Variants in PRRC1 observed in about 807,000 individuals in gnomAD.
PRRC1 encodes protein PRRC1.
A neutral mutation model predicts 40.7 loss-of-function variants in PRRC1; 39 were observed. The observed-to-expected ratio is 0.96, with a 90% CI of 0.74 to 1.25. The LOEUF is 1.25. Ranked by LOEUF, PRRC1 falls within the 50% of genes most tolerant of loss-of-function variation. The pLI is 0.00. For missense variants in PRRC1, 573 were observed against 548.3 expected (o/e 1.05, Z -0.45); for synonymous variants, 175 against 193.3 (o/e 0.91, Z 0.79).
At chr5:127,518,726 A>T (rs1405369305) in intron 1 of PRRC1, among the ~76,000 whole-genome samples, 2 of 148,450 alleles carry the variant, frequency 1.3e-5, no homozygotes, top group African/African-American at 5.0e-5. Context: ...GTAAATAGAC[A>T]TCCACTTTTT....
intron 7 of PRRC1, among the ~76,000 whole-genome samples, chr5:127,541,166 G>A: frequency 6.6e-6 from 1 of 152,144 alleles, no homozygotes; most frequent in Admixed American, 6.5e-5. Flanking sequence ...TTTATATGCT[G>A]GATTACATTT....
At chr5:127,551,654 C>G in intron 8 of PRRC1, 53 bp from the exon 9 acceptor site, 1 of 1,535,082 alleles carries the variant, frequency 6.5e-7, no homozygotes, top group Non-Finnish European at 9.0e-7. Context: ...ATAGCTAGTT[C>G]CAATGATATT....
rs560233995 is a variant in PRRC1 at position 127,552,996 on chromosome 5, A to G, written c.*1080A>G. On this transcript the variant is annotated 3_prime_UTR_variant, in exon 9 of 9. Coordinates refer to ENST00000296666, the MANE Select transcript of PRRC1 (RefSeq NM_130809.5). ...TGGAAGCCTTTTCCCCTCAAATAAT[A>G]TATTATATCATTTTTGGACTTATAT... 3.0e-4 allele frequency: 234 copies of G among 774,600 alleles called. No individual in the cohort carries two copies. In the African/African-American group the frequency reaches 3.8e-3, roughly 13 times the overall value. 48.0% of individuals were successfully genotyped at this position (774,600 alleles called of 1,614,324 possible). A position where few individuals can be genotyped will look rare whatever the true frequency, so the allele number is the denominator to read the frequency against.
At chr5:127,535,973 C>T (rs559061661) in intron 6 of PRRC1, among the ~76,000 whole-genome samples, 1 of 152,220 alleles carries the variant, frequency 6.6e-6, no homozygotes, top group East Asian at 1.9e-4. Flanking sequence ...TATGCATACT[C>T]ACATACCACA....
chr5:127,518,609 C>T (rs1767379031), intron 1 of PRRC1, among the ~76,000 whole-genome samples: 2 of 151,376 alleles, frequency 1.3e-5, no homozygotes, highest in African/African-American at 4.8e-5. Flanking sequence ...AACTAGCGCT[C>T]ACTGTTTGGT....
intron 1 of PRRC1, 88 bp from the exon 2 acceptor site, chr5:127,523,372 A>AT (rs554141899): frequency 0.019 from 10,109 of 523,992 alleles, 45 homozygotes; most frequent in East Asian, 0.03. Flanking sequence ...TCTCTTGATG[A>AT]TTTTTTTTTT....
At chr5:127,525,970 CA>C in intron 3 of PRRC1, among the ~76,000 whole-genome samples, 1 of 152,124 alleles carries the variant, frequency 6.6e-6, no homozygotes, top group Non-Finnish European at 1.5e-5. Flanking sequence ...TCATGTATGC[CA>C]AAAGTTTGTG....
intron 7 of PRRC1, among the ~76,000 whole-genome samples, chr5:127,544,186 C>T (rs550968521): frequency 7.9e-5 from 12 of 152,266 alleles, no homozygotes; most frequent in South Asian, 4.2e-4. Context: ...TGCAGAACCG[C>T]GGATTTTCGT....
rs1768391904 is a variant in PRRC1 at position 127,551,790 on chromosome 5, A to G, written c.1212A>G (p.Leu404=). Reference sequence around the variant, plus strand: ...TGGGTGAAGTCCTGGAAAAGAGTTTACTGAATGTCAGCCGGACTGATTGGC... The same window carrying G: ...TGGGTGAAGTCCTGGAAAAGAGTTTGCTGAATGTCAGCCGGACTGATTGGC... The part of the protein sequence containing the change: ...VTVGEVLEKS[L]LNVSRTDWHM... Residue 404 remains leucine (L), a synonymous_variant, in exon 9 of 9, where the codon TTA becomes TTG. Coordinates refer to ENST00000296666, the MANE Select transcript of PRRC1 (RefSeq NM_130809.5). 1.2e-6 allele frequency: 2 copies of G among 1,614,132 alleles called. No homozygotes were observed. The highest frequency in any genetic ancestry group is 8.5e-7 in the Non-Finnish European group (1 of 1,179,998).
intron 1 of PRRC1, among the ~76,000 whole-genome samples, chr5:127,522,543 AC>A (rs1767487911): frequency 6.6e-6 from 1 of 151,846 alleles, no homozygotes; most frequent in South Asian, 2.1e-4. Flanking sequence ...GGCACATGTC[AC>A]CCTGCCTGGC....
At position 127,526,600 on chromosome 5, in the gene PRRC1, A is replaced by T; in HGVS notation, c.494-18A>T. ...TATGGAATAAATTATACATATGAAA[A>T]TTTTTGCCATTGATTAGGTCTTTTG... On this transcript the variant is annotated intron_variant, in intron 3 of 8. Transcript: ENST00000296666. 1 of 1,587,838 alleles carries T rather than the reference A, an allele frequency of 6.3e-7. No individual in the cohort carries two copies. The highest frequency in any genetic ancestry group is 8.6e-7 in the Non-Finnish European group (1 of 1,168,836).
chr5:127,527,301 T>C (rs1442974176), intron 4 of PRRC1, among the ~76,000 whole-genome samples: 3 of 152,238 alleles, frequency 2.0e-5, no homozygotes, highest in Non-Finnish European at 4.4e-5. Context: ...GATTAACATA[T>C]GCAATACCTC....
At chr5:127,548,282 T>C (rs747392958) in intron 8 of PRRC1, 4 of 435,166 alleles carry the variant, frequency 9.2e-6, no homozygotes, top group Non-Finnish European at 1.6e-5. Flanking sequence ...TCCACTGTTA[T>C]CTCCATTTCC....
At chr5:127,521,982 C>A (rs1213373041) in intron 1 of PRRC1, among the ~76,000 whole-genome samples, 1 of 152,194 alleles carries the variant, frequency 6.6e-6, no homozygotes, top group Non-Finnish European at 1.5e-5. Context: ...CATAATTCAG[C>A]TACCATTCAT....
At chr5:127,547,998 G>A (rs555700187) in intron 8 of PRRC1, 77 bp downstream of exon 8, 1 of 966,810 alleles carries the variant, frequency 1.0e-6, no homozygotes, top group South Asian at 1.3e-5. Flanking sequence ...AATTTGTTCG[G>A]TTTTTTTGTT....
At chr5:127,518,705 C>A (rs562547061) in intron 1 of PRRC1, among the ~76,000 whole-genome samples, 1 of 150,148 alleles carries the variant, frequency 6.7e-6, no homozygotes, top group African/African-American at 2.4e-5. Flanking sequence ...TCTTCCATTT[C>A]TTGTAAACTT....
chr5:127,541,039 T>TA (rs1489794051), intron 7 of PRRC1, among the ~76,000 whole-genome samples: 2 of 152,230 alleles, frequency 1.3e-5, no homozygotes, highest in East Asian at 1.9e-4. Flanking sequence ...TATTTTGAGA[T>TA]ACGTCCCATC....
rs1768488760 is a variant in PRRC1 at position 127,554,993 on chromosome 5, AT to A, written c.*3081del. On this transcript the variant is annotated 3_prime_UTR_variant, in exon 9 of 9. Coordinates refer to ENST00000296666, the MANE Select transcript of PRRC1 (RefSeq NM_130809.5). ...TTTTTATTCCCAGGATATGGTGTTC[AT>A]TTTATGATATTACGCAGGATGATGT... 1 of 152,612 alleles carries A rather than the reference AT, an allele frequency of 6.6e-6. No homozygotes were observed. Among genetic ancestry groups the A allele is most frequent in the African/African-American group, 2.4e-5 (1 of 41,448 alleles). 9.5% of individuals were successfully genotyped at this position (152,612 alleles called of 1,614,324 possible).
rs1389761045 is a variant in PRRC1 at position 127,530,398 on chromosome 5, T to G, written c.757+2T>G. On this transcript the variant is annotated splice_donor_variant, in intron 5 of 8. Coordinates refer to ENST00000296666, the MANE Select transcript of PRRC1 (RefSeq NM_130809.5). LOFTEE classifies it high-confidence loss of function. ...ACCCTGGCATGGCTCCCTATATCAGTATGTACATAAGTTAGACCGGTATCT... is the reference window on the plus strand; with the variant it reads ...ACCCTGGCATGGCTCCCTATATCAGGATGTACATAAGTTAGACCGGTATCT... 2.5e-6 allele frequency: 4 copies of G among 1,610,688 alleles called. No homozygotes were observed. Among genetic ancestry groups the G allele is most frequent in the Non-Finnish European group, 3.4e-6 (4 of 1,177,332 alleles).
Sources: allele counts gnomAD v4.1 joint callset (sites outside exome capture counted in the v4.1 genomes callset), GRCh38; gene constraint gnomAD v4.1.1; transcripts MANE v1.5; gene names NCBI Gene and HGNC (gene_info 2026-07-23, HGNC 2026-07-21).